The following CCNJL variants were observed in gnomAD, a reference collection of about 807,000 sequenced individuals.
CCNJL encodes cyclin J like.
CCNJL carries 33 observed loss-of-function variants against 33.4 expected under a neutral mutation model. That is an observed-to-expected ratio of 0.99 (90% CI 0.75 to 1.32). CCNJL has a LOEUF of 1.32. Ranked by LOEUF, CCNJL falls within the 40% of genes most tolerant of loss-of-function variation. The pLI, the probability that CCNJL is intolerant of heterozygous loss-of-function variation, is 0.00. For synonymous variants in CCNJL, 227 were observed against 220.9 expected, an observed-to-expected ratio of 1.03 and a Z score of -0.24; for missense variants, 512 against 499.7, an observed-to-expected ratio of 1.02 and a Z score of -0.23.
chr5:160,265,392 C>T (rs997887959), intron 3 of CCNJL, among the ~76,000 whole-genome samples: 1 of 152,072 alleles, frequency 6.6e-6, no homozygotes, highest in African/African-American at 2.4e-5. Context: ...AATCCCAGCA[C>T]TTTGGGAGAC....
intron 3 of CCNJL, among the ~76,000 whole-genome samples, chr5:160,272,479 G>C (rs1279801618): frequency 6.6e-6 from 1 of 152,224 alleles, no homozygotes; most frequent in East Asian, 1.9e-4. Context: ...GTGCTTCCTG[G>C]ATAGGGAAAG....
At chr5:160,281,022 A>C in intron 2 of CCNJL, 1 of 485,560 alleles carries the variant, frequency 2.1e-6, no homozygotes, top group Non-Finnish European at 3.8e-6. Context: ...ACAAGGCCAT[A>C]AAGGAATAAA....
intron 3 of CCNJL, among the ~76,000 whole-genome samples, chr5:160,267,505 A>T (rs1218568938): frequency 1.3e-5 from 2 of 152,196 alleles, no homozygotes; most frequent in South Asian, 4.1e-4. Flanking sequence ...TGTGTATTTT[A>T]AAAAATGAAT....
chr5:160,272,015 C>T (rs189802210), intron 3 of CCNJL, among the ~76,000 whole-genome samples: 43 of 152,308 alleles, frequency 2.8e-4, no homozygotes, highest in African/African-American at 9.9e-4. Context: ...AAAAAGACCA[C>T]CTGGAAATAT....
intron 2 of CCNJL, among the ~76,000 whole-genome samples, chr5:160,291,651 G>T (rs1157425056): frequency 6.6e-6 from 1 of 152,200 alleles, no homozygotes; most frequent in East Asian, 1.9e-4. Context: ...AATCCCTGGC[G>T]TGATGCCTAA....
chr5:160,301,034 C>T (rs901322712), intron 2 of CCNJL, among the ~76,000 whole-genome samples: 2 of 152,164 alleles, frequency 1.3e-5, no homozygotes, highest in Non-Finnish European at 2.9e-5. Flanking sequence ...GTGATTAGGG[C>T]TTCCACTTTA....
At chr5:160,264,187 A>C (rs915753459) in intron 3 of CCNJL, among the ~76,000 whole-genome samples, 1 of 152,038 alleles carries the variant, frequency 6.6e-6, no homozygotes, top group African/African-American at 2.4e-5. Flanking sequence ...GGCCTCCCCA[A>C]GTGTTGGGAT....
At chr5:160,276,301 G>C (rs922652574) in intron 3 of CCNJL, 2 of 128,924 alleles carry the variant, frequency 1.6e-5, no homozygotes, top group African/African-American at 2.9e-5. Context: ...CGGTGTGGGT[G>C]GGGGGTGGGG....
chr5:160,332,883 G>C (rs1463587992), intron 1 of CCNJL, among the ~76,000 whole-genome samples: 2 of 151,998 alleles, frequency 1.3e-5, no homozygotes, highest in Non-Finnish European at 2.9e-5. Flanking sequence ...GGAGCATAAA[G>C]TCCATGATGG....
chr5:160,293,367 C>T (rs1014550469), intron 2 of CCNJL, among the ~76,000 whole-genome samples: 1 of 152,100 alleles, frequency 6.6e-6, no homozygotes, highest in Non-Finnish European at 1.5e-5. Context: ...GTGGAGGTTG[C>T]AGTGGGCTGC....
intron 4 of CCNJL, among the ~76,000 whole-genome samples, chr5:160,256,232 A>G (rs1761057022): frequency 6.6e-6 from 1 of 152,170 alleles, no homozygotes; most frequent in Non-Finnish European, 1.5e-5. Context: ...TGTTTTCAAA[A>G]TACTGTCCAC....
intron 1 of CCNJL, among the ~76,000 whole-genome samples, chr5:160,338,188 G>C (rs1581026254): frequency 6.6e-6 from 1 of 152,146 alleles, no homozygotes; most frequent in East Asian, 1.9e-4. Context: ...TTTGAGCCCA[G>C]AAGTTGGAAG....
At chr5:160,314,479 C>T (rs572085253), upstream of CCNJL, among the ~76,000 whole-genome samples, 3 of 152,172 alleles carry the variant, frequency 2.0e-5, no homozygotes, top group Non-Finnish European at 4.4e-5. Flanking sequence ...CAGAGAACTA[C>T]AAACAAGCAA....
At chr5:160,293,986 CG>C (rs1386150779) in intron 2 of CCNJL, among the ~76,000 whole-genome samples, 1 of 152,066 alleles carries the variant, frequency 6.6e-6, no homozygotes, top group Non-Finnish European at 1.5e-5. Context: ...AACAAGAGCC[CG>C]GGAATCCACG....
chr5:160,257,904 T>C (rs1469601740), intron 4 of CCNJL, among the ~76,000 whole-genome samples: 5 of 151,904 alleles, frequency 3.3e-5, no homozygotes, highest in Admixed American at 3.3e-4. Flanking sequence ...TGGAGTTCAA[T>C]GGCACGATCT....
At chr5:160,334,412 G>A (rs1763657634) in intron 1 of CCNJL, among the ~76,000 whole-genome samples, 1 of 152,154 alleles carries the variant, frequency 6.6e-6, no homozygotes, top group South Asian at 2.1e-4. Flanking sequence ...CCATGCCGAT[G>A]GCCTCACTTT....
At chr5:160,337,177 A>ATT (rs70990726) in intron 1 of CCNJL, among the ~76,000 whole-genome samples, 159 of 139,492 alleles carry the variant, frequency 1.1e-3, no homozygotes, top group Non-Finnish European at 1.5e-3. Context: ...CAAATTTTTG[A>ATT]TTTTTTTTTT....
chr5:160,304,449 T>C (rs143243960), intron 2 of CCNJL, among the ~76,000 whole-genome samples: 1 of 152,164 alleles, frequency 6.6e-6, no homozygotes, highest in Non-Finnish European at 1.5e-5. Context: ...TTTCTCCTTA[T>C]TTTATGAACC....
chr5:160,334,765 C>T (rs115953227), intron 1 of CCNJL, among the ~76,000 whole-genome samples: 1,806 of 152,330 alleles, frequency 0.012, 39 homozygotes, highest in African/African-American at 0.041. Context: ...TGAGACCTGG[C>T]ATCAGATCCA....
Sources: gnomAD v4.1 joint callset for allele counts (sites outside exome capture counted in the v4.1 genomes callset) on GRCh38, gnomAD v4.1.1 for gene constraint, MANE v1.5 for transcripts, NCBI Gene and HGNC (gene_info 2026-07-23, HGNC 2026-07-21) for gene names.